Variants in PDE1C observed in about 807,000 individuals in gnomAD.
PDE1C encodes the protein dual specificity calcium/calmodulin-dependent 3',5'-cyclic nucleotide phosphodiesterase 1C.
Under a neutral mutation model 93.1 loss-of-function variants are expected in PDE1C, and 62 were observed. The ratio of observed to expected loss-of-function variants is 0.67; its 90% CI spans 0.54 to 0.82. PDE1C has a LOEUF of 0.82. PDE1C is among the 40% of genes least tolerant of loss of function. The pLI, the probability that PDE1C is intolerant of heterozygous loss-of-function variation, is 0.00. For synonymous variants in PDE1C, 325 were observed against 310.1 expected (o/e 1.05, Z -0.50); for missense variants, 742 against 884.6 (o/e 0.84, Z 2.04).
the PDE1C span, chr7:31,707,493 G>T: frequency 3.9e-6 from 2 of 519,072 alleles, no homozygotes; most frequent in African/African-American, 3.9e-5. Flanking sequence ...TCTGTGTTTT[G>T]AATTTTTATT....
chr7:32,129,790 T>G (rs1409856506), intron 3 of PDE1C, among the ~76,000 whole-genome samples: 1 of 152,090 alleles, frequency 6.6e-6, no homozygotes, highest in Non-Finnish European at 1.5e-5. Context: ...CCAAATTGTT[T>G]TAATGGATTT....
the PDE1C span, chr7:31,707,160 T>G: frequency 6.4e-7 from 1 of 1,566,978 alleles, no homozygotes; most frequent in Non-Finnish European, 8.8e-7. Context: ...GCCTAATGTT[T>G]TAATTAGAGG....
At chr7:32,177,800 T>G (rs535224152) in intron 2 of PDE1C, among the ~76,000 whole-genome samples, 7 of 152,180 alleles carry the variant, frequency 4.6e-5, no homozygotes, top group Non-Finnish European at 1.0e-4. Flanking sequence ...AATCTGTGCG[T>G]GTAACACACT....
chr7:31,643,330 A>G, the PDE1C span: 1 of 1,614,004 alleles, frequency 6.2e-7, no homozygotes, highest in South Asian at 1.1e-5. Context: ...ACCTTATGCA[A>G]CTGACCTTGC....
the PDE1C span, among the ~76,000 whole-genome samples, chr7:31,738,573 C>T: frequency 7.1e-4 from 108 of 152,310 alleles, no homozygotes; most frequent in African/African-American, 2.5e-3. Flanking sequence ...CAAGCCATAT[C>T]ACAGGTGCTG....
At chr7:32,248,484 G>C (rs1456729579) in intron 1 of PDE1C, among the ~76,000 whole-genome samples, 1 of 152,228 alleles carries the variant, frequency 6.6e-6, no homozygotes, top group African/African-American at 2.4e-5. Flanking sequence ...ATAGCAGCTT[G>C]ATTCAGTCCC....
chr7:32,164,067 G>T (rs993580869), intron 3 of PDE1C, among the ~76,000 whole-genome samples: 1 of 152,178 alleles, frequency 6.6e-6, no homozygotes, highest in Non-Finnish European at 1.5e-5. Context: ...ATACTTGTGG[G>T]ATTCCAAAGC....
At chr7:31,987,588 G>A (rs1038947892) in intron 2 of PDE1C, among the ~76,000 whole-genome samples, 1 of 150,738 alleles carries the variant, frequency 6.6e-6, no homozygotes, top group Non-Finnish European at 1.5e-5. Context: ...AAAGCACCCA[G>A]GTGAAATGAA....
At chr7:32,298,601 A>C in intron 1 of PDE1C, 1 of 1,555,004 alleles carries the variant, frequency 6.4e-7, no homozygotes, top group South Asian at 1.2e-5. Flanking sequence ...CCGCCACCGG[A>C]GAGGGCGTTT....
At chr7:32,257,563 A>G (rs1809896342) in intron 1 of PDE1C, among the ~76,000 whole-genome samples, 1 of 152,258 alleles carries the variant, frequency 6.6e-6, no homozygotes. Flanking sequence ...TATTTACAAA[A>G]TGCTTAAAAC....
At chr7:31,938,453 C>A (rs993661737) in intron 2 of PDE1C, among the ~76,000 whole-genome samples, 4 of 151,726 alleles carry the variant, frequency 2.6e-5, no homozygotes, top group African/African-American at 9.7e-5. Context: ...AGGAGTCAGA[C>A]CAAATTGTTT....
At chr7:32,098,127 G>A (rs888635143) in intron 3 of PDE1C, among the ~76,000 whole-genome samples, 2 of 147,532 alleles carry the variant, frequency 1.4e-5, no homozygotes, top group Admixed American at 1.3e-4. Flanking sequence ...CTACTCGGGA[G>A]GCTGAGGCAG....
At chr7:31,945,218 C>T (rs1011536067) in intron 2 of PDE1C, among the ~76,000 whole-genome samples, 2 of 152,088 alleles carry the variant, frequency 1.3e-5, no homozygotes, top group African/African-American at 2.4e-5. Flanking sequence ...TATTCATATG[C>T]TATGATAACC....
At chr7:31,717,998 G>A in the PDE1C span, among the ~76,000 whole-genome samples, 1 of 152,112 alleles carries the variant, frequency 6.6e-6, no homozygotes, top group Non-Finnish European at 1.5e-5. Flanking sequence ...TTTAATACAA[G>A]GATATGAGAG....
intron 3 of PDE1C, among the ~76,000 whole-genome samples, chr7:32,082,465 C>T (rs530267808): frequency 2.0e-5 from 3 of 152,370 alleles, no homozygotes; most frequent in Admixed American, 2.0e-4. Flanking sequence ...CAGCAGTAAA[C>T]TCTGCAGACT....
At chr7:31,982,625 A>G (rs541864744) in intron 2 of PDE1C, among the ~76,000 whole-genome samples, 2 of 152,166 alleles carry the variant, frequency 1.3e-5, no homozygotes, top group African/African-American at 4.8e-5. Context: ...GCCAAAACCA[A>G]TAGGTTTTGA....
intron 9 of PDE1C, among the ~76,000 whole-genome samples, chr7:31,844,507 G>A (rs12701145): frequency 0.2 from 29,779 of 151,618 alleles, 3,122 homozygotes; most frequent in Middle Eastern, 0.3. Flanking sequence ...TATAGTTTCT[G>A]ATGAATAGTC....
intron 2 of PDE1C, among the ~76,000 whole-genome samples, chr7:32,031,710 G>C (rs1007638999): frequency 6.6e-6 from 1 of 152,152 alleles, no homozygotes; most frequent in Admixed American, 6.6e-5. Flanking sequence ...TGGATAAATA[G>C]AATCAACAGA....
At chr7:31,638,086 T>C in the PDE1C span, among the ~76,000 whole-genome samples, 7 of 152,294 alleles carry the variant, frequency 4.6e-5, no homozygotes, top group East Asian at 1.4e-3. Flanking sequence ...TGCAGGGCCA[T>C]TTGCATAGTA....
Sources: allele counts gnomAD v4.1 joint callset (sites outside exome capture counted in the v4.1 genomes callset), GRCh38; gene constraint gnomAD v4.1.1; transcripts MANE v1.5; gene names NCBI Gene and HGNC (gene_info 2026-07-23, HGNC 2026-07-21).